CDH19: variants seen among roughly 807,000 people sequenced by gnomAD.
CDH19 encodes the protein cadherin-19.
In CDH19, 67 loss-of-function variants were observed where a neutral mutation model predicts 64.2. The observed-to-expected ratio is 1.04, with a 90% CI of 0.86 to 1.28. The LOEUF (loss-of-function observed/expected upper bound fraction) is 1.28, where lower values mean the gene tolerates loss of function less well. Ranked by LOEUF, CDH19 falls within the 50% of genes most tolerant of loss-of-function variation. The pLI, the probability that CDH19 is intolerant of heterozygous loss-of-function variation, is 0.00. For synonymous variants in CDH19, 346 were observed against 319.3 expected, an observed-to-expected ratio of 1.08 and a Z score of -0.89; for missense variants, 1,030 against 929.0, an observed-to-expected ratio of 1.11 and a Z score of -1.41.
At chr18:66,528,418 C>A (rs1452038157) in intron 9 of CDH19, among the ~76,000 whole-genome samples, 1 of 152,128 alleles carries the variant, frequency 6.6e-6, no homozygotes, top group Non-Finnish European at 1.5e-5. Context: ...AGGGAAAGTG[C>A]AACACAATAG....
chr18:66,541,420 A>G (rs1986882003), intron 7 of CDH19, among the ~76,000 whole-genome samples: 1 of 152,200 alleles, frequency 6.6e-6, no homozygotes, highest in Non-Finnish European at 1.5e-5. Flanking sequence ...TAAAACTCAA[A>G]TTGAAATCAT....
chr18:66,603,435 C>A (rs1989086402), intron 1 of CDH19, among the ~76,000 whole-genome samples: 1 of 151,332 alleles, frequency 6.6e-6, no homozygotes, highest in African/African-American at 2.4e-5. Flanking sequence ...TGTTTTTATT[C>A]ATAGCAATGC....
chr18:66,596,942 C>T (rs992628002), intron 1 of CDH19, among the ~76,000 whole-genome samples: 6 of 148,024 alleles, frequency 4.1e-5, no homozygotes, highest in East Asian at 2.0e-4. Flanking sequence ...ATTAGCCGGG[C>T]GTAGTGGCGG....
chr18:66,543,041 G>A (rs186960750), intron 7 of CDH19, among the ~76,000 whole-genome samples: 2 of 152,018 alleles, frequency 1.3e-5, no homozygotes, highest in Admixed American at 6.5e-5. Context: ...TTTTGTTGTC[G>A]TTGAGACGGA....
chr18:66,554,768 T>C lies in CDH19; in HGVS notation c.491-244A>G, dbSNP rs146102681. ...TGTATGCAATATGGAATTTTAAACA[T>C]GTAGATTGATGGCCTAATAAGATGT... On this transcript the variant is annotated intron_variant, in intron 3 of 11. Transcript: ENST00000262150. 3.9e-5 allele frequency among the ~76,000 whole-genome samples: 6 copies of C among 152,006 alleles called. No homozygotes were observed. In the East Asian group the frequency reaches 1.2e-3, roughly 29 times the overall value.
At chr18:66,539,266 C>T (rs1237895612) in intron 7 of CDH19, among the ~76,000 whole-genome samples, 1 of 151,980 alleles carries the variant, frequency 6.6e-6, no homozygotes, top group African/African-American at 2.4e-5. Flanking sequence ...GTTTTTATTT[C>T]TTTTTCTCAC....
chr18:66,519,059 G>C (rs1163142512), intron 9 of CDH19, among the ~76,000 whole-genome samples: 1 of 152,054 alleles, frequency 6.6e-6, no homozygotes, highest in Non-Finnish European at 1.5e-5. Flanking sequence ...CATTTATAGT[G>C]GAGTTCTTAA....
intron 7 of CDH19, 100 bp from the exon 8 acceptor site, chr18:66,535,207 C>A: frequency 1.7e-6 from 1 of 573,092 alleles, no homozygotes; most frequent in Non-Finnish European, 2.8e-6. Flanking sequence ...TCAATGCATG[C>A]TCTACATAGC....
chr18:66,600,461 A>C (rs1989010107), intron 1 of CDH19, among the ~76,000 whole-genome samples: 2 of 152,010 alleles, frequency 1.3e-5, no homozygotes, highest in Admixed American at 6.5e-5. Flanking sequence ...TGACATGATT[A>C]TAATCTCATA....
intron 1 of CDH19, among the ~76,000 whole-genome samples, chr18:66,580,133 C>A (rs1988383297): frequency 6.6e-6 from 1 of 151,798 alleles, no homozygotes; most frequent in South Asian, 2.1e-4. Context: ...ATATGTTAAA[C>A]AAATACAAGT....
intron 1 of CDH19, among the ~76,000 whole-genome samples, chr18:66,593,376 T>G (rs940885670): frequency 1.3e-5 from 2 of 151,990 alleles, no homozygotes; most frequent in Non-Finnish European, 2.9e-5. Context: ...ACAAAAAAAT[T>G]TATCAATGTA....
chr18:66,547,406 T>A (rs1036927872), intron 5 of CDH19, among the ~76,000 whole-genome samples: 1 of 152,106 alleles, frequency 6.6e-6, no homozygotes, highest in African/African-American at 2.4e-5. Context: ...AGCCAGGAGC[T>A]ATCAGAATTG....
At chr18:66,601,687 T>C (rs1260673396) in intron 1 of CDH19, among the ~76,000 whole-genome samples, 1 of 151,928 alleles carries the variant, frequency 6.6e-6, no homozygotes, top group Non-Finnish European at 1.5e-5. Flanking sequence ...CAGACAAGCA[T>C]TCTCTTAACG....
chr18:66,595,016 A>T (rs560126165), intron 1 of CDH19, among the ~76,000 whole-genome samples: 1 of 136,830 alleles, frequency 7.3e-6, no homozygotes, highest in African/African-American at 2.5e-5. Context: ...AATAATAAAT[A>T]AAATTAAATT....
At position 66,541,111 on chromosome 18, in the gene CDH19, A is replaced by G. The variant is rs566719800; in HGVS notation, c.1214+2860T>C. On this transcript the variant is annotated intron_variant, in intron 7 of 11. Coordinates refer to ENST00000262150, the MANE Select transcript of CDH19 (RefSeq NM_021153.4). The stretch of plus-strand genomic sequence containing the variant: ...GGTAGATCTTGCTCCTCAAGCTTTT[A>G]TGACCTCAACTAAAGCAAGAGTATT... 2.0e-5 allele frequency among the ~76,000 whole-genome samples: 3 copies of G among 152,258 alleles called. No individual in the cohort carries two copies. In the South Asian group the frequency reaches 6.2e-4, roughly 32 times the overall value.
chr18:66,522,929 T>C (rs888011468), intron 9 of CDH19, among the ~76,000 whole-genome samples: 2 of 151,770 alleles, frequency 1.3e-5, no homozygotes, highest in African/African-American at 4.8e-5. Context: ...TAAAAAACCC[T>C]CTGAAAAATT....
intron 1 of CDH19, among the ~76,000 whole-genome samples, chr18:66,592,853 A>G (rs1241825863): frequency 6.6e-6 from 1 of 151,908 alleles, no homozygotes; most frequent in Admixed American, 6.6e-5. Context: ...ATTGCAATAC[A>G]CATTGGAATG....
At chr18:66,511,456 C>T in intron 10 of CDH19, 112 bp downstream of exon 10, 28 of 554,592 alleles carry the variant, frequency 5.0e-5, no homozygotes, top group South Asian at 1.0e-4. Flanking sequence ...GCTTGATTTC[C>T]AAACATTATT....
intron 11 of CDH19, among the ~76,000 whole-genome samples, chr18:66,506,677 CTG>C (rs377549380): frequency 2.0e-5 from 3 of 150,540 alleles, no homozygotes; most frequent in East Asian, 2.0e-4. Context: ...GTGTGTGTGT[CTG>C]TGTGTGTGTG....
Sources: gnomAD v4.1 joint callset for allele counts (sites outside exome capture counted in the v4.1 genomes callset) on GRCh38, gnomAD v4.1.1 for gene constraint, MANE v1.5 for transcripts, NCBI Gene and HGNC (gene_info 2026-07-23, HGNC 2026-07-21) for gene names.